PARD3: variants seen among roughly 807,000 people sequenced by gnomAD.
The protein encoded by PARD3 is partitioning defective 3 homolog.
Under a neutral mutation model 155.4 loss-of-function variants are expected in PARD3, and 75 were observed. That is an observed-to-expected ratio of 0.48 (90% CI 0.40 to 0.58). The LOEUF (loss-of-function observed/expected upper bound fraction) is 0.58. PARD3 is among the 20% of genes least tolerant of loss of function. The pLI is 0.00. For missense variants in PARD3, 1,642 were observed against 1,721.7 expected (o/e 0.95, Z 0.82); for synonymous variants, 576 against 610.5 (o/e 0.94, Z 0.83).
intron 2 of PARD3, among the ~76,000 whole-genome samples, chr10:34,644,476 C>T (rs1294729425): frequency 1.3e-5 from 2 of 152,192 alleles, no homozygotes; most frequent in East Asian, 3.8e-4. Context: ...CTGACATGGC[C>T]CAGGGCAGCT....
chr10:34,670,634 T>C (rs921249058), intron 2 of PARD3, among the ~76,000 whole-genome samples: 3 of 152,138 alleles, frequency 2.0e-5, no homozygotes, highest in African/African-American at 7.2e-5. Flanking sequence ...GTGGGATGTA[T>C]GAGTGTGTGC....
At chr10:34,601,086 C>T (rs1432480803) in intron 2 of PARD3, among the ~76,000 whole-genome samples, 5 of 142,062 alleles carry the variant, frequency 3.5e-5, no homozygotes, top group Non-Finnish European at 7.5e-5. Flanking sequence ...GCACGCATTA[C>T]AGGCGTGAGC....
intron 5 of PARD3, among the ~76,000 whole-genome samples, chr10:34,420,119 T>C (rs1846050272): frequency 1.3e-5 from 2 of 152,216 alleles, no homozygotes; most frequent in South Asian, 2.1e-4. Flanking sequence ...ACTCGTCTGA[T>C]ATTTTTAAAA....
intron 1 of PARD3, among the ~76,000 whole-genome samples, chr10:34,749,258 C>G (rs1220180060): frequency 6.6e-6 from 1 of 152,164 alleles, no homozygotes; most frequent in African/African-American, 2.4e-5. Context: ...TGCTTCCTAA[C>G]ACCATGATTA....
intron 3 of PARD3, among the ~76,000 whole-genome samples, chr10:34,488,323 A>G (rs1029046268): frequency 6.6e-6 from 1 of 150,854 alleles, no homozygotes; most frequent in African/African-American, 2.4e-5. Flanking sequence ...ATTTATTTTT[A>G]TTTATTTATT....
chr10:34,455,515 CAGTCTCGCTCTGTTGCCGAGGCTGG>C (rs1395809040), intron 4 of PARD3, among the ~76,000 whole-genome samples: 5 of 151,930 alleles, frequency 3.3e-5, no homozygotes, highest in Admixed American at 1.3e-4. Context: ...TTTTTTGAGA[CAGTCTCGCTCTGTTGCCGAGGCTGG>C]AGCCTCGGCA....
chr10:34,686,436 T>TA lies in PARD3; in HGVS notation c.222+9881dup, dbSNP rs71033335. On this transcript the variant is annotated intron_variant, in intron 2 of 24. Transcript: ENST00000374788. ...CAGTATGTATTAATAAGAACTCCCT[T>TA]AAAAAAAAAAAAAATAGGGCCAGGC... Among the ~76,000 whole-genome samples the TA allele has an allele frequency of 6.6e-3, 964 of 147,136 alleles. 12 individuals carry two copies. Among genetic ancestry groups the TA allele is most frequent in the African/African-American group, 0.022 (886 of 39,870 alleles).
intron 2 of PARD3, among the ~76,000 whole-genome samples, chr10:34,694,031 G>C (rs1289270138): frequency 1.3e-5 from 2 of 152,068 alleles, no homozygotes; most frequent in African/African-American, 2.4e-5. Context: ...AGCAATAGCA[G>C]GATGTCAGGT....
chr10:34,457,408 A>G (rs1239288507), intron 4 of PARD3, among the ~76,000 whole-genome samples: 1 of 152,218 alleles, frequency 6.6e-6, no homozygotes, highest in East Asian at 1.9e-4. Context: ...GAAGGAAGCC[A>G]TGAAAAATTT....
At chr10:34,218,098 T>C (rs536577818) in intron 22 of PARD3, among the ~76,000 whole-genome samples, 4 of 152,180 alleles carry the variant, frequency 2.6e-5, no homozygotes, top group Non-Finnish European at 4.4e-5. Flanking sequence ...ACAAAGGAGA[T>C]TCAAGACAAG....
chr10:34,222,980 C>T (rs551679551), intron 22 of PARD3, among the ~76,000 whole-genome samples: 4 of 152,318 alleles, frequency 2.6e-5, no homozygotes, highest in African/African-American at 7.2e-5. Context: ...GCAGGTGTAC[C>T]GTGGGCCCGG....
intron 3 of PARD3, among the ~76,000 whole-genome samples, chr10:34,502,595 G>C (rs1425222158): frequency 1.3e-5 from 2 of 152,032 alleles, no homozygotes; most frequent in Non-Finnish European, 2.9e-5. Context: ...CACACACACA[G>C]ACACTCAGAA....
At chr10:34,509,359 G>C (rs989135867) in intron 3 of PARD3, among the ~76,000 whole-genome samples, 1 of 152,096 alleles carries the variant, frequency 6.6e-6, no homozygotes, top group African/African-American at 2.4e-5. Context: ...AGGGGGTCAA[G>C]GTGTAATGTG....
chr10:34,386,053 C>T (rs1317278798), intron 7 of PARD3, among the ~76,000 whole-genome samples: 1 of 152,156 alleles, frequency 6.6e-6, no homozygotes, highest in Non-Finnish European at 1.5e-5. Context: ...TCCTATTTCA[C>T]TTGTAATTTT....
chr10:34,290,177 T>A (rs1406661563), intron 20 of PARD3, among the ~76,000 whole-genome samples: 1 of 152,162 alleles, frequency 6.6e-6, no homozygotes, highest in Non-Finnish European at 1.5e-5. Flanking sequence ...CTGCGATAAA[T>A]AAAAATACAA....
chr10:34,713,139 G>C (rs950710293), intron 1 of PARD3, among the ~76,000 whole-genome samples: 4 of 152,132 alleles, frequency 2.6e-5, no homozygotes, highest in African/African-American at 9.7e-5. Flanking sequence ...TTGAACCTAA[G>C]AGGTGGAGGT....
At chr10:34,666,797 A>AAAAAATATATATG (rs71033331) in intron 2 of PARD3, among the ~76,000 whole-genome samples, 1 of 65,094 alleles carries the variant, frequency 1.5e-5, no homozygotes, top group African/African-American at 6.5e-5. Context: ...AAAAAAAAAA[A>AAAAAATATATATG]TATATATATA....
intron 5 of PARD3, among the ~76,000 whole-genome samples, chr10:34,433,420 T>C (rs1181453692): frequency 2.6e-5 from 4 of 152,316 alleles, no homozygotes; most frequent in African/African-American, 7.2e-5. Flanking sequence ...CCTATTTTTC[T>C]TGGCCAACCT....
chr10:34,133,994 G>C (rs551912406), intron 22 of PARD3, among the ~76,000 whole-genome samples: 3 of 152,116 alleles, frequency 2.0e-5, no homozygotes, highest in Non-Finnish European at 2.9e-5. Flanking sequence ...TGATTGGCCT[G>C]GAACATTAAA....
Sources: allele counts gnomAD v4.1 joint callset (sites outside exome capture counted in the v4.1 genomes callset), GRCh38; gene constraint gnomAD v4.1.1; transcripts MANE v1.5; gene names NCBI Gene and HGNC (gene_info 2026-07-23, HGNC 2026-07-21).